The following CNOT10 variants were observed in gnomAD, a reference collection of about 807,000 sequenced individuals.
The protein encoded by CNOT10 is CCR4-NOT transcription complex, subunit 10.
CNOT10 carries 30 observed loss-of-function variants against 94.6 expected under a neutral mutation model. The observed-to-expected ratio is 0.32, with a 90% confidence interval of 0.24 to 0.43. The LOEUF is 0.43. CNOT10 is among the 20% of genes least tolerant of loss of function. The pLI is 1.00. For missense variants in CNOT10, 759 were observed against 877.2 expected (o/e 0.87, Z 1.70); for synonymous variants, 289 against 301.6 (o/e 0.96, Z 0.43).
At chr3:32,690,997 C>CTTTT (rs35755920) in intron 1 of CNOT10, among the ~76,000 whole-genome samples, 2,063 of 128,838 alleles carry the variant, frequency 0.016, 50 homozygotes, top group East Asian at 0.041. Flanking sequence ...CTAGCTATGA[C>CTTTT]TTTTTTTTTT....
chr3:32,691,713 C>T (rs886959500), intron 1 of CNOT10, among the ~76,000 whole-genome samples: 1 of 152,164 alleles, frequency 6.6e-6, no homozygotes, highest in Non-Finnish European at 1.5e-5. Context: ...ACCTATGTAA[C>T]CATGATGCCA....
chr3:32,715,111 C>T (rs1168359962), intron 5 of CNOT10, among the ~76,000 whole-genome samples: 1 of 152,096 alleles, frequency 6.6e-6, no homozygotes, highest in African/African-American at 2.4e-5. Context: ...ATGTGCTCTG[C>T]CCGGTTCTAA....
intron 1 of CNOT10, among the ~76,000 whole-genome samples, chr3:32,702,916 GTT>G (rs112213079): frequency 6.4e-5 from 9 of 140,252 alleles, no homozygotes; most frequent in South Asian, 4.5e-4. Context: ...GTTTTTTGTT[GTT>G]TTTTTTTTTT....
chr3:32,711,074 G>A (rs1697868558), intron 4 of CNOT10, among the ~76,000 whole-genome samples: 1 of 152,032 alleles, frequency 6.6e-6, no homozygotes. Flanking sequence ...CAATACTGTG[G>A]GCCAGACACT....
chr3:32,756,085 G>A (rs1371899845), intron 13 of CNOT10, among the ~76,000 whole-genome samples: 1 of 152,182 alleles, frequency 6.6e-6, no homozygotes, highest in African/African-American at 2.4e-5. Context: ...CAGTCTGCAG[G>A]AATTGTGCAG....
chr3:32,687,235 A>G lies in CNOT10; in HGVS notation c.22+1753A>G, dbSNP rs548847989. On this transcript the variant is annotated intron_variant, in intron 1 of 18. Transcript: ENST00000328834. ...CTATGTCGCATTGAGTAGTCTTCTC[A>G]CTGGTGTTTGTCTCTTGTCTCTTCC... Among the ~76,000 whole-genome samples, 21 of 151,682 alleles carry G rather than the reference A, an allele frequency of 1.4e-4. 1 individual carries two copies. In the South Asian group the frequency reaches 4.4e-3, roughly 32 times the overall value.
chr3:32,752,313 G>T (rs1305330528), intron 13 of CNOT10, among the ~76,000 whole-genome samples: 1 of 151,998 alleles, frequency 6.6e-6, no homozygotes, highest in Non-Finnish European at 1.5e-5. Context: ...ATTCTTCAGT[G>T]GTCTGCCACT....
At chr3:32,771,108 C>G (rs1004007977) in intron 18 of CNOT10, among the ~76,000 whole-genome samples, 4 of 150,560 alleles carry the variant, frequency 2.7e-5, no homozygotes, top group Non-Finnish European at 5.9e-5. Context: ...GGGCTGATCA[C>G]CAGAGTTCAG....
intron 17 of CNOT10, among the ~76,000 whole-genome samples, chr3:32,768,686 TG>T (rs1049091274): frequency 3.9e-5 from 6 of 152,344 alleles, no homozygotes; most frequent in African/African-American, 1.4e-4. Flanking sequence ...TGAAAAGAGT[TG>T]TTATACCTCA....
intron 5 of CNOT10, among the ~76,000 whole-genome samples, chr3:32,713,855 G>A (rs1253034172): frequency 6.6e-6 from 1 of 151,968 alleles, no homozygotes; most frequent in African/African-American, 2.4e-5. Context: ...TGCCTTTTGT[G>A]GCTGAATAAT....
chr3:32,734,271 C>G (rs1006549701), intron 11 of CNOT10, among the ~76,000 whole-genome samples: 4 of 152,086 alleles, frequency 2.6e-5, no homozygotes, highest in Non-Finnish European at 5.9e-5. Flanking sequence ...TTTTATTTTT[C>G]TCTAGTAAAG....
intron 11 of CNOT10, 77 bp from the exon 12 acceptor site, chr3:32,734,723 G>T: frequency 6.8e-6 from 8 of 1,172,412 alleles, no homozygotes; most frequent in South Asian, 3.4e-5. Flanking sequence ...TAATCAATTG[G>T]TTTTATTCCT....
intron 3 of CNOT10, among the ~76,000 whole-genome samples, chr3:32,707,483 C>T (rs1459389005): frequency 6.6e-6 from 1 of 152,164 alleles, no homozygotes; most frequent in Non-Finnish European, 1.5e-5. Context: ...GTGCTGGTTT[C>T]CTTATGTATA....
At chr3:32,701,149 C>T (rs1697324827) in intron 1 of CNOT10, among the ~76,000 whole-genome samples, 1 of 152,032 alleles carries the variant, frequency 6.6e-6, no homozygotes, top group Non-Finnish European at 1.5e-5. Flanking sequence ...GCGGCAGGTG[C>T]CTGTAGTCCC....
Position 32,733,516 on chromosome 3 carries a change from T to C in CNOT10, c.1309T>C (p.Ser437Pro). The C allele has an allele frequency of 1.9e-6, 3 of 1,597,318 alleles. No individual in the cohort carries two copies. Among genetic ancestry groups the C allele is most frequent in the Non-Finnish European group, 2.6e-6 (3 of 1,166,698 alleles). ...CTATCATCGTAAAATAGTTTTGGCA[T>C]CACAGTCTATACAGAATACTGTTTA... ...QGYHRKIVLA[S>P]QSIQNTVYND... is the part of the protein sequence containing the mutation. Residue 437 changes from serine (S) to proline (P), a missense_variant, in exon 11 of 19, where the codon TCA becomes CCA. Transcript: ENST00000328834.
intron 13 of CNOT10, among the ~76,000 whole-genome samples, chr3:32,751,388 G>A (rs1163324247): frequency 7.2e-5 from 11 of 152,076 alleles, no homozygotes; most frequent in Non-Finnish European, 1.6e-4. Context: ...TTATAAGCGT[G>A]AGCTACAGCA....
At position 32,727,849 on chromosome 3, in the gene CNOT10, C is replaced by T. The variant is rs757366207; in HGVS notation, c.1194C>T (p.Cys398=). 1 of 1,612,564 alleles carries T rather than the reference C, an allele frequency of 6.2e-7. No individual in the cohort carries two copies. The highest frequency in any genetic ancestry group is 1.3e-5 in the African/African-American group (1 of 74,660). Residue 398 remains cysteine (C), a synonymous_variant, in exon 10 of 19, where the codon TGC becomes TGT. Coordinates refer to ENST00000328834, the MANE Select transcript of CNOT10 (RefSeq NM_015442.3). ...GCCTCTGGCTACGGCTGGCTGAATG[C>T]TGCATTGCTGCCAATAAGGGGGTGA... ...NPRLWLRLAE[C]CIAANKGTSE... is the part of the protein sequence containing the mutation.
intron 10 of CNOT10, among the ~76,000 whole-genome samples, chr3:32,728,384 G>A (rs1340370563): frequency 1.3e-5 from 2 of 152,074 alleles, no homozygotes; most frequent in Non-Finnish European, 2.9e-5. Flanking sequence ...ACTTTAGGAG[G>A]CTGAGGCGGG....
At chr3:32,733,707 A>G (rs753885786) in intron 11 of CNOT10, among the ~76,000 whole-genome samples, 163 bp downstream of exon 11, 19 of 152,192 alleles carry the variant, frequency 1.2e-4, no homozygotes, top group African/African-American at 4.3e-4. Flanking sequence ...GTATAGGTCC[A>G]TAGTGAATGT....
Sources: allele counts gnomAD v4.1 joint callset (sites outside exome capture counted in the v4.1 genomes callset), GRCh38; gene constraint gnomAD v4.1.1; transcripts MANE v1.5; gene names NCBI Gene and HGNC (gene_info 2026-07-23, HGNC 2026-07-21).